INPP1: variants seen among roughly 807,000 people sequenced by gnomAD.
INPP1 encodes inositol polyphosphate 1-phosphatase.
Under a neutral mutation model 23.0 loss-of-function variants are expected in INPP1, and 18 were observed. The ratio of observed to expected loss-of-function variants is 0.78; its 90% CI spans 0.54 to 1.16. INPP1 has a LOEUF of 1.16. INPP1 is among the 50% of genes most tolerant of loss of function. INPP1 has a pLI of 0.00. For synonymous variants in INPP1, 164 were observed against 176.3 expected (o/e 0.93, Z 0.55); for missense variants, 448 against 482.1 (o/e 0.93, Z 0.66).
At position 190,369,150 on chromosome 2, in the gene INPP1, C is replaced by G. The variant is rs1252914884; in HGVS notation, c.514C>G (p.Gln172Glu). The G allele has an allele frequency of 1.2e-6, 2 of 1,606,760 alleles. No individual in the cohort carries two copies. Among genetic ancestry groups the G allele is most frequent in the Non-Finnish European group, 1.7e-6 (2 of 1,174,776 alleles). ...IKGSADIKSNQGIFPCGLQCV... is the reference protein window; with the variant it reads ...IKGSADIKSNEGIFPCGLQCV... The stretch of plus-strand genomic sequence containing the variant: ...AGGTTCTGCTGACATTAAATCCAAC[C>G]AGGGAATCTTCCCCTGTGGACTTCA... Residue 172 changes from glutamine to glutamate, a missense_variant, in exon 6 of 7, where the codon CAG (glutamine) becomes GAG (glutamate). Transcript: ENST00000392329.
rs1364059310 is a variant in INPP1 at position 190,367,342 on chromosome 2, C to A, written c.466+447C>A. 1.3e-5 allele frequency among the ~76,000 whole-genome samples: 2 copies of A among 152,038 alleles called. No individual in the cohort carries two copies. Among genetic ancestry groups the A allele is most frequent in the African/African-American group, 2.4e-5 (1 of 41,398 alleles). ...GCTCTTCAGATTTTTAAAGAGAAAC[C>A]AAAATCCAAGGTTTTCAGCGATATA... On this transcript the variant is annotated intron_variant, in intron 5 of 6. Transcript: ENST00000392329. This position sits in a 1 kb window ranked among gnomAD's most constrained non-coding sequence, Gnocchi z 4.1.
intron 2 of INPP1, among the ~76,000 whole-genome samples, chr2:190,350,953 G>T (rs757307463): frequency 3.9e-4 from 59 of 152,158 alleles, no homozygotes; most frequent in Non-Finnish European, 7.6e-4. Context: ...TCTTGTAAAT[G>T]AATACAGAAT....
intron 3 of INPP1, among the ~76,000 whole-genome samples, chr2:190,361,852 AT>A (rs991295962): frequency 3.9e-5 from 6 of 152,236 alleles, no homozygotes; most frequent in Non-Finnish European, 7.3e-5. Context: ...GCTATTGGTC[AT>A]CTGCAAATGA....
chr2:190,364,541 CAAAAA>C (rs139090493), intron 4 of INPP1, among the ~76,000 whole-genome samples: 1 of 129,420 alleles, frequency 7.7e-6, no homozygotes, highest in Non-Finnish European at 1.6e-5. Context: ...GACTCCGTCT[CAAAAA>C]AAAAAAAAAT....
In INPP1 at chr2:190,352,331, C is replaced by A. The variant is rs1236977057; in HGVS notation, c.-65+3300C>A. 6.6e-6 allele frequency among the ~76,000 whole-genome samples: 1 copy of A among 152,174 alleles called. No homozygotes were observed. Among genetic ancestry groups the A allele is most frequent in the African/African-American group, 2.4e-5 (1 of 41,438 alleles). Reference sequence around the variant, plus strand: ...ATGACAGCAACATCACCCGGATCAACATGAAATAAGACCCAGGAAGTACAG... The same window carrying A: ...ATGACAGCAACATCACCCGGATCAAAATGAAATAAGACCCAGGAAGTACAG... On this transcript the variant is annotated intron_variant, in intron 2 of 6. Coordinates refer to ENST00000392329, the MANE Select transcript of INPP1 (RefSeq NM_001128928.2). This position sits in a 1 kb window ranked among gnomAD's most constrained non-coding sequence, Gnocchi z 4.7.
At position 190,356,348 on chromosome 2, in the gene INPP1, G is replaced by C. The variant is rs1403407352; in HGVS notation, c.-64-3691G>C. 6.6e-6 allele frequency among the ~76,000 whole-genome samples: 1 copy of C among 152,222 alleles called. No individual in the cohort carries two copies. Among genetic ancestry groups the C allele is most frequent in the Non-Finnish European group, 1.5e-5 (1 of 68,036 alleles). On this transcript the variant is annotated intron_variant, in intron 2 of 6. Transcript: ENST00000392329. The surrounding 1 kb of genome is among the most constrained non-coding windows in gnomAD (Gnocchi z 6.4). ...CTGAAAAACCTGATTATTGTGTTAT[G>C]AGAAATTCCTAAAATCGGTAGACCT...
rs1000282108 is a variant in INPP1 at position 190,368,977 on chromosome 2, C to T, written c.467-126C>T. 5 of 516,538 alleles carry T rather than the reference C, an allele frequency of 9.7e-6. No individual in the cohort carries two copies. The highest frequency in any genetic ancestry group is 9.7e-5 in the African/African-American group (5 of 51,672). 32.0% of individuals were successfully genotyped at this position (516,538 alleles called of 1,614,324 possible). ...AAGTACAAGAGGCCAAATAACAATT[C>T]AATACAGTGACATCCAAAGGTAAAA... is the stretch of plus-strand genomic sequence containing the variant. On this transcript the variant is annotated intron_variant, in intron 5 of 6. Coordinates refer to ENST00000392329, the MANE Select transcript of INPP1 (RefSeq NM_001128928.2). This position sits in a 1 kb window ranked among gnomAD's most constrained non-coding sequence, Gnocchi z 4.3.
intron 1 of INPP1, among the ~76,000 whole-genome samples, chr2:190,348,138 AAAAAC>A (rs562810000): frequency 9.2e-5 from 14 of 152,286 alleles, no homozygotes; most frequent in Admixed American, 1.3e-4. Context: ...ACTCTGTCTC[AAAAAC>A]AAAACAAAAC....
In INPP1 at chr2:190,367,986, AC is replaced by A. The variant is rs1689716046; in HGVS notation, c.466+1092del. Among the ~76,000 whole-genome samples, 1 of 151,732 alleles carries A rather than the reference AC, an allele frequency of 6.6e-6. No individual in the cohort carries two copies. Among genetic ancestry groups the A allele is most frequent in the Admixed American group, 6.6e-5 (1 of 15,224 alleles). ...ATGGGACCATTCAAGGACCAGGCAA[AC>A]TCCTCTCTGGGCCCTTCCCATCCTA... On this transcript the variant is annotated intron_variant, in intron 5 of 6. Coordinates refer to ENST00000392329, the MANE Select transcript of INPP1 (RefSeq NM_001128928.2). This position sits in a 1 kb window ranked among gnomAD's most constrained non-coding sequence, Gnocchi z 4.1.
rs150085463 is a variant in INPP1 at position 190,354,290 on chromosome 2, A to G, written c.-65+5259A>G. On this transcript the variant is annotated intron_variant, in intron 2 of 6. Transcript: ENST00000392329. The surrounding 1 kb of genome is among the most constrained non-coding windows in gnomAD (Gnocchi z 4.8). The stretch of plus-strand genomic sequence containing the variant: ...CACTTTTGGCCAGAAAACAAAAGAC[A>G]AAGGAATAGATTGTGTCAGCTAATA... 8.5e-4 allele frequency among the ~76,000 whole-genome samples: 129 copies of G among 152,342 alleles called. No homozygotes were observed. Among genetic ancestry groups the G allele is most frequent in the African/African-American group, 2.9e-3 (122 of 41,590 alleles).
chr2:190,349,819 AG>A (rs1388255753), intron 2 of INPP1, among the ~76,000 whole-genome samples: 1 of 152,222 alleles, frequency 6.6e-6, no homozygotes, highest in Non-Finnish European at 1.5e-5. Flanking sequence ...TTAAAAAATA[AG>A]GTCACTATCA....
chr2:190,360,841 T>A (rs894931504), intron 3 of INPP1, among the ~76,000 whole-genome samples: 2 of 152,166 alleles, frequency 1.3e-5, no homozygotes. Context: ...ATTTATCTAG[T>A]GGTTTCTTCA....
chr2:190,368,916 C>T lies in INPP1; in HGVS notation c.467-187C>T, dbSNP rs939652392. ...CATCCTCTCCCTTCAAGAGTTCTCA[C>T]AGTCAGGAAAATGAAACACAAGCAA... On this transcript the variant is annotated intron_variant, in intron 5 of 6. Coordinates refer to ENST00000392329, the MANE Select transcript of INPP1 (RefSeq NM_001128928.2). This position sits in a 1 kb window ranked among gnomAD's most constrained non-coding sequence, Gnocchi z 4.3. The T allele has an allele frequency of 7.4e-6, 3 of 407,470 alleles. No individual in the cohort carries two copies. Among genetic ancestry groups the T allele is most frequent in the African/African-American group, 2.0e-5 (1 of 49,156 alleles). 25.2% of individuals were successfully genotyped at this position (407,470 alleles called of 1,614,324 possible). A position where few individuals can be genotyped will look rare whatever the true frequency, so the allele number is the denominator to read the frequency against.
chr2:190,361,475 G>C (rs1299264987), intron 3 of INPP1, among the ~76,000 whole-genome samples: 1 of 152,074 alleles, frequency 6.6e-6, no homozygotes, highest in South Asian at 2.1e-4. Flanking sequence ...ATCTTGCTCC[G>C]ATAAACTAAA....
rs2016037 is a variant in INPP1, at chr2:190,352,531, A to G, written c.-65+3500A>G. ...ACAGTTTCCCTCTGGCCTCACAGGA[A>G]TCTCAGGGGAGGCTACCATTAGCAA... is the stretch of plus-strand genomic sequence containing the variant. On this transcript the variant is annotated intron_variant, in intron 2 of 6. Coordinates refer to ENST00000392329, the MANE Select transcript of INPP1 (RefSeq NM_001128928.2). This position sits in a 1 kb window ranked among gnomAD's most constrained non-coding sequence, Gnocchi z 4.7. 0.72 allele frequency among the ~76,000 whole-genome samples: 109,482 copies of G among 152,116 alleles called. 39,989 individuals are homozygous for G. Among genetic ancestry groups the G allele is most frequent in the Non-Finnish European group, 0.76 (51,352 of 67,994 alleles).
At chr2:190,344,060 G>A (rs1277982956) in intron 1 of INPP1, 99 bp downstream of exon 1, 2 of 325,516 alleles carry the variant, frequency 6.1e-6, no homozygotes, top group South Asian at 2.3e-5. Context: ...GGCGCGCGCC[G>A]TCGCCTCTCC....
At chr2:190,370,036 C>T (rs1172054143) in intron 6 of INPP1, among the ~76,000 whole-genome samples, 2 of 152,120 alleles carry the variant, frequency 1.3e-5, no homozygotes, top group Non-Finnish European at 2.9e-5. Context: ...TTCCCCCTAC[C>T]CCCACCATCT....
In INPP1 at chr2:190,348,946, T is replaced by A. The variant is rs1451531747; in HGVS notation, c.-150T>A. On this transcript the variant is annotated 5_prime_UTR_variant, in exon 2 of 7. Transcript: ENST00000392329. ...TATACCTGATTGGCAAAACAGAGCC[T>A]AAGAACCAGCTCTCCTGTATCCCAA... 1 of 152,200 alleles carries A rather than the reference T, an allele frequency of 6.6e-6. No individual in the cohort carries two copies. Among genetic ancestry groups the A allele is most frequent in the Non-Finnish European group, 1.5e-5 (1 of 68,062 alleles). The allele number at this position is 152,200 out of a possible 1,614,324, so 9.4% of individuals were successfully genotyped here. A position where few individuals can be genotyped will look rare whatever the true frequency, so the allele number is the denominator to read the frequency against.
At position 190,369,117 on chromosome 2, in the gene INPP1, T is replaced by G; in HGVS notation, c.481T>G (p.Tyr161Asp). 2 of 1,592,300 alleles carry G rather than the reference T, an allele frequency of 1.3e-6. No individual in the cohort carries two copies. The highest frequency in any genetic ancestry group is 1.7e-6 in the Non-Finnish European group (2 of 1,165,454). Reference sequence around the variant, plus strand: ...TCCTTTTTCAGATTCAACTTATCAGTATATAAAAGGTTCTGCTGACATTAA... The same window carrying G: ...TCCTTTTTCAGATTCAACTTATCAGGATATAAAAGGTTCTGCTGACATTAA... ...WVDPIDSTYQYIKGSADIKSN... is the reference protein window; with the variant it reads ...WVDPIDSTYQDIKGSADIKSN... Residue 161 changes from tyrosine (Y) to aspartate (D), a missense_variant, in exon 6 of 7, where the codon TAT becomes GAT. By Grantham distance (160) the Tyr-to-Asp change is radical. Coordinates refer to ENST00000392329, the MANE Select transcript of INPP1 (RefSeq NM_001128928.2).
Sources: gnomAD v4.1 joint callset for allele counts (sites outside exome capture counted in the v4.1 genomes callset) on GRCh38, gnomAD v4.1.1 for gene constraint, Gnocchi (gnomAD v3.1) non-coding constraint, MANE v1.5 for transcripts, NCBI Gene and HGNC (gene_info 2026-07-23, HGNC 2026-07-21) for gene names.